The following CNTNAP2 variants were observed in gnomAD, a reference collection of about 807,000 sequenced individuals.
CNTNAP2 encodes the protein contactin associated protein 2.
Under a neutral mutation model 155.2 loss-of-function variants are expected in CNTNAP2, and 98 were observed. That is an observed-to-expected ratio of 0.63 (90% CI 0.54 to 0.75). The LOEUF is 0.75. CNTNAP2 is among the 30% of genes least tolerant of loss of function. CNTNAP2 has a pLI of 0.00. For missense variants in CNTNAP2, 1,727 were observed against 1,688.1 expected, an observed-to-expected ratio of 1.02 and a Z score of -0.40; for synonymous variants, 651 against 631.2, an observed-to-expected ratio of 1.03 and a Z score of -0.47.
chr7:146,682,993 C>A (rs1009238341), intron 1 of CNTNAP2, among the ~76,000 whole-genome samples: 1 of 152,156 alleles, frequency 6.6e-6, no homozygotes, highest in African/African-American at 2.4e-5. Flanking sequence ...TAATCTCTCT[C>A]TACTTCCTGT....
chr7:147,298,156 C>CA (rs769233209), intron 8 of CNTNAP2, among the ~76,000 whole-genome samples: 1 of 152,120 alleles, frequency 6.6e-6, no homozygotes, highest in Non-Finnish European at 1.5e-5. Context: ...TGGCCAGGCG[C>CA]AGTGGCTCAG....
intron 1 of CNTNAP2, among the ~76,000 whole-genome samples, chr7:146,194,382 A>G (rs1209522427): frequency 6.6e-6 from 1 of 152,212 alleles, no homozygotes; most frequent in Non-Finnish European, 1.5e-5. Flanking sequence ...AAGCAAAGTC[A>G]TGTCTTACAT....
chr7:147,802,104 C>T (rs1224238787), intron 13 of CNTNAP2, among the ~76,000 whole-genome samples: 6 of 147,718 alleles, frequency 4.1e-5, no homozygotes, highest in African/African-American at 1.3e-4. Context: ...TCAGACGGGG[C>T]GGCCGGGCAG....
At chr7:147,346,371 G>C (rs1795863245) in intron 9 of CNTNAP2, among the ~76,000 whole-genome samples, 2 of 150,686 alleles carry the variant, frequency 1.3e-5, no homozygotes, top group Admixed American at 1.3e-4. Context: ...AGCCAGGATG[G>C]TCTCGATCTC....
At position 147,863,550 on chromosome 7, in the gene CNTNAP2, T is replaced by A. The variant is rs545687290; in HGVS notation, c.2099-40015T>A. 1.2e-4 allele frequency among the ~76,000 whole-genome samples: 19 copies of A among 152,316 alleles called. No homozygotes were observed. In the East Asian group the frequency reaches 2.5e-3, roughly 20 times the overall value. ...AACTAATTTAGACTCCCACCAACAG[T>A]GTAAAAGCATTTCTATTTCTCCACA... On this transcript the variant is annotated intron_variant, in intron 13 of 23. Transcript: ENST00000361727.
At chr7:148,183,992 G>A (rs1040452657) in intron 18 of CNTNAP2, among the ~76,000 whole-genome samples, 3 of 152,062 alleles carry the variant, frequency 2.0e-5, no homozygotes, top group Non-Finnish European at 4.4e-5. Flanking sequence ...TAATTAATAT[G>A]ATTTTCTCAA....
rs150623150 is a variant in CNTNAP2, at chr7:146,273,741, G to A, written c.97+156768G>A. Among the ~76,000 whole-genome samples the A allele has an allele frequency of 6.6e-3, 1,011 of 152,078 alleles. 12 individuals are homozygous for A. The highest frequency in any genetic ancestry group is 9.4e-3 in the Non-Finnish European group (641 of 67,988). On this transcript the variant is annotated intron_variant, in intron 1 of 23. Coordinates refer to ENST00000361727, the MANE Select transcript of CNTNAP2 (RefSeq NM_014141.6). Reference sequence around the variant, plus strand: ...ACAAGGGAAAGAACACCTATTCTGCGGTCTGTGGTCCTAGATTTTAAGGAC... The same window carrying A: ...ACAAGGGAAAGAACACCTATTCTGCAGTCTGTGGTCCTAGATTTTAAGGAC...
At chr7:148,079,379 A>G (rs1383513672) in intron 15 of CNTNAP2, among the ~76,000 whole-genome samples, 1 of 152,204 alleles carries the variant, frequency 6.6e-6, no homozygotes, top group African/African-American at 2.4e-5. Context: ...TGTAATTTCA[A>G]TTGGTTGAGT....
At chr7:147,899,601 C>G (rs1313046212) in intron 13 of CNTNAP2, among the ~76,000 whole-genome samples, 1 of 152,024 alleles carries the variant, frequency 6.6e-6, no homozygotes, top group East Asian at 1.9e-4. Context: ...AAAGAGTCAT[C>G]CAGTCAGACG....
chr7:147,853,321 T>C (rs911407446), intron 13 of CNTNAP2, among the ~76,000 whole-genome samples: 1 of 152,214 alleles, frequency 6.6e-6, no homozygotes, highest in Non-Finnish European at 1.5e-5. Flanking sequence ...GAGACATGGC[T>C]AGAACTGTTA....
chr7:147,738,798 G>T (rs1187885302), intron 13 of CNTNAP2, among the ~76,000 whole-genome samples: 1 of 151,852 alleles, frequency 6.6e-6, no homozygotes, highest in African/African-American at 2.4e-5. Flanking sequence ...GGGATTACAG[G>T]CATGTGCCAC....
intron 1 of CNTNAP2, among the ~76,000 whole-genome samples, chr7:146,486,608 G>C (rs926677749): frequency 2.0e-5 from 3 of 152,082 alleles, no homozygotes; most frequent in Non-Finnish European, 2.9e-5. Context: ...CAGGCTATTG[G>C]CCAGTCATGA....
At chr7:146,297,923 A>G (rs1390763728) in intron 1 of CNTNAP2, among the ~76,000 whole-genome samples, 1 of 152,198 alleles carries the variant, frequency 6.6e-6, no homozygotes, top group Non-Finnish European at 1.5e-5. Context: ...AAAAAACTTT[A>G]TTATATGAAC....
In CNTNAP2 at chr7:147,400,991, T is replaced by C. The variant is rs186330166; in HGVS notation, c.1670+5211T>C. Among the ~76,000 whole-genome samples, 739 of 152,274 alleles carry C rather than the reference T, an allele frequency of 4.9e-3. 6 individuals are homozygous for C. The highest frequency in any genetic ancestry group is 0.017 in the African/African-American group (698 of 41,554). Reference sequence around the variant, plus strand: ...ATACAGAAGAACAAATTCCTAAATATGGAAATGACTTTGAAAGAAAAGATA... The same window carrying C: ...ATACAGAAGAACAAATTCCTAAATACGGAAATGACTTTGAAAGAAAAGATA... On this transcript the variant is annotated intron_variant, in intron 10 of 23. Coordinates refer to ENST00000361727, the MANE Select transcript of CNTNAP2 (RefSeq NM_014141.6).
intron 12 of CNTNAP2, among the ~76,000 whole-genome samples, chr7:147,593,221 T>G (rs908752191): frequency 4.6e-5 from 7 of 150,974 alleles, no homozygotes; most frequent in African/African-American, 1.7e-4. Context: ...TATTTTTTTT[T>G]TTTTCATTTG....
chr7:146,785,516 A>C (rs1443988259), intron 2 of CNTNAP2, among the ~76,000 whole-genome samples: 1 of 152,218 alleles, frequency 6.6e-6, no homozygotes, highest in Non-Finnish European at 1.5e-5. Context: ...CTAATTGTAA[A>C]TTTCAAATAC....
At chr7:146,918,263 T>C (rs1396354913) in intron 3 of CNTNAP2, among the ~76,000 whole-genome samples, 1 of 152,184 alleles carries the variant, frequency 6.6e-6, no homozygotes, top group Non-Finnish European at 1.5e-5. Context: ...CATTATGTTG[T>C]TGTTTTATAG....
At chr7:147,171,424 A>C (rs1250234755) in intron 8 of CNTNAP2, among the ~76,000 whole-genome samples, 1 of 152,206 alleles carries the variant, frequency 6.6e-6, no homozygotes, top group African/African-American at 2.4e-5. Context: ...AAACATGAGG[A>C]GAACAAATGC....
chr7:146,387,460 C>A (rs1795477144), intron 1 of CNTNAP2, among the ~76,000 whole-genome samples: 1 of 152,150 alleles, frequency 6.6e-6, no homozygotes, highest in Admixed American at 6.5e-5. Flanking sequence ...TCTACTTCTT[C>A]CGGATGGGTA....
Sources: gnomAD v4.1 joint callset for allele counts (sites outside exome capture counted in the v4.1 genomes callset) on GRCh38, gnomAD v4.1.1 for gene constraint, MANE v1.5 for transcripts, NCBI Gene and HGNC (gene_info 2026-07-23, HGNC 2026-07-21) for gene names.